The following TCF20 variants were observed in gnomAD, a reference collection of about 807,000 sequenced individuals.
TCF20 encodes the protein transcription factor 20.
Under a neutral mutation model 148.6 loss-of-function variants are expected in TCF20, and 3 were observed. The observed-to-expected ratio is 0.02, with a 90% confidence interval of 0.01 to 0.05. TCF20 has a LOEUF of 0.05. Ranked by LOEUF, TCF20 falls within the 10% of genes least tolerant of loss-of-function variation. The pLI is 1.00. For missense variants in TCF20, 2,350 were observed against 2,429.3 expected (o/e 0.97, Z 0.69); for synonymous variants, 1,049 against 909.5 (o/e 1.15, Z -2.76).
At chr22:42,241,653 T>TC (rs1383008153) in intron 1 of TCF20, among the ~76,000 whole-genome samples, 6 of 151,952 alleles carry the variant, frequency 3.9e-5, no homozygotes, top group African/African-American at 1.5e-4. Flanking sequence ...ATGGTGAAAC[T>TC]CCATCTCTAC....
Position 42,279,694 on chromosome 22 carries a change from T to G in TCF20, c.-37+4133A>C, listed in dbSNP as rs1423160843. On this transcript the variant is annotated intron_variant, in intron 1 of 5. Coordinates refer to the TCF20 transcript ENST00000359486. The surrounding 1 kb of genome is among the most constrained non-coding windows in gnomAD (Gnocchi z 4.3). ...CCGTGAGGTGGGACGATTCACCCCA[T>G]GAGCAAACAGGCTCAGGGAGGTGTG... is the stretch of plus-strand genomic sequence containing the variant. Among the ~76,000 whole-genome samples the G allele has an allele frequency of 2.0e-5, 3 of 152,258 alleles. No homozygotes were observed. The East Asian group carries it at 5.8e-4, about 29-fold the overall frequency.
intron 1 of TCF20, among the ~76,000 whole-genome samples, chr22:42,324,354 T>A (rs974367657): frequency 4.6e-5 from 7 of 152,024 alleles, no homozygotes; most frequent in African/African-American, 1.7e-4. Flanking sequence ...CTAGGCCTGA[T>A]AAGACTTGAG....
intron 1 of TCF20, among the ~76,000 whole-genome samples, chr22:42,261,991 G>GA (rs561851072): frequency 1.2e-3 from 176 of 152,094 alleles, no homozygotes; most frequent in African/African-American, 4.1e-3. Flanking sequence ...ACTCCATCTC[G>GA]AAAAAAGTTC....
chr22:42,255,487 C>CAAA (rs201620101), intron 1 of TCF20, among the ~76,000 whole-genome samples: 7,645 of 90,432 alleles, frequency 0.085, 405 homozygotes, highest in African/African-American at 0.19. Flanking sequence ...GACTTCATCT[C>CAAA]AAACAACAAC....
At chr22:42,251,788 C>G (rs1416960360) in intron 1 of TCF20, among the ~76,000 whole-genome samples, 1 of 151,290 alleles carries the variant, frequency 6.6e-6, no homozygotes, top group Non-Finnish European at 1.5e-5. Flanking sequence ...CAGGAGTGAG[C>G]CACCGCACCT....
rs1926853615 is a variant in TCF20, at chr22:42,279,501, CA to C, written c.-37+4325del. On this transcript the variant is annotated intron_variant, in intron 1 of 5. Coordinates refer to the TCF20 transcript ENST00000359486. The surrounding 1 kb of genome is among the most constrained non-coding windows in gnomAD (Gnocchi z 4.3). ...ATAAATAAAATAAAATAAGGAAGGACAGAGGGCAATGTGACCTTCGGCAAGC... is the reference window on the plus strand; with the variant it reads ...ATAAATAAAATAAAATAAGGAAGGACGAGGGCAATGTGACCTTCGGCAAGC... Among the ~76,000 whole-genome samples the C allele has an allele frequency of 1.3e-5, 2 of 152,158 alleles. No individual in the cohort carries two copies. Among genetic ancestry groups the C allele is most frequent in the African/African-American group, 4.8e-5 (2 of 41,428 alleles).
At chr22:42,313,151 C>T (rs550291043) in intron 1 of TCF20, among the ~76,000 whole-genome samples, 1 of 152,338 alleles carries the variant, frequency 6.6e-6, no homozygotes. Context: ...TGGGCTGTGT[C>T]ACACCATAGG....
At chr22:42,286,678 G>A (rs1348834332), upstream of TCF20, among the ~76,000 whole-genome samples, 1 of 152,198 alleles carries the variant, frequency 6.6e-6, no homozygotes, top group Non-Finnish European at 1.5e-5. Context: ...TGGGAAGAAA[G>A]TGCGCTTCAG....
At chr22:42,232,252 C>CTATA (rs748542875) in intron 1 of TCF20, among the ~76,000 whole-genome samples, 1 of 152,142 alleles carries the variant, frequency 6.6e-6, no homozygotes, top group South Asian at 2.1e-4. Context: ...GAGCAATAGG[C>CTATA]TATACCACAT....
chr22:42,171,083 C>T (rs541638235), intron 3 of TCF20, among the ~76,000 whole-genome samples: 14 of 152,316 alleles, frequency 9.2e-5, no homozygotes, highest in African/African-American at 3.4e-4. Flanking sequence ...TGACAGCATC[C>T]TGGATGGCAG....
At chr22:42,307,132 G>A (rs1276100438) in intron 1 of TCF20, among the ~76,000 whole-genome samples, 1 of 151,644 alleles carries the variant, frequency 6.6e-6, no homozygotes, top group Non-Finnish European at 1.5e-5. Context: ...GGGCTCTGAC[G>A]ACAGCATGGG....
intron 1 of TCF20, among the ~76,000 whole-genome samples, chr22:42,225,965 A>C (rs1266013726): frequency 6.6e-6 from 1 of 152,252 alleles, no homozygotes; most frequent in Non-Finnish European, 1.5e-5. Flanking sequence ...GCATAATTTC[A>C]AACAGCCAAG....
intron 1 of TCF20, among the ~76,000 whole-genome samples, chr22:42,219,376 A>AAAAAAAAAAAAAAAAAAAAC (rs1922136318): frequency 6.7e-6 from 1 of 148,204 alleles, no homozygotes; most frequent in Admixed American, 6.8e-5. Context: ...AAAAAAAAAA[A>AAAAAAAAAAAAAAAAAAAAC]AAAAAGCTAA....
chr22:42,311,294 C>T (rs929081725), intron 1 of TCF20, among the ~76,000 whole-genome samples: 5 of 152,270 alleles, frequency 3.3e-5, no homozygotes, highest in African/African-American at 1.2e-4. Context: ...GCACCAGGCC[C>T]AGGCCCAAGG....
chr22:42,174,837 C>T (rs1022998115), intron 3 of TCF20, among the ~76,000 whole-genome samples: 2 of 151,972 alleles, frequency 1.3e-5, no homozygotes, highest in Non-Finnish European at 2.9e-5. Context: ...AGATCGAGAC[C>T]ATCCCGGCTA....
At chr22:42,269,899 A>AG (rs990190626) in intron 1 of TCF20, 5 of 152,046 alleles carry the variant, frequency 3.3e-5, no homozygotes, top group African/African-American at 1.2e-4. Flanking sequence ...TCCAGCCCGT[A>AG]GCCAAGAGGC....
chr22:42,309,915 G>C (rs1218925526), intron 1 of TCF20, among the ~76,000 whole-genome samples: 2 of 152,228 alleles, frequency 1.3e-5, no homozygotes, highest in African/African-American at 4.8e-5. Flanking sequence ...GATGCTCTGA[G>C]GTTGTGTCCA....
intron 2 of TCF20, among the ~76,000 whole-genome samples, chr22:42,186,584 C>A (rs1937057972): frequency 6.6e-6 from 1 of 152,122 alleles, no homozygotes. Flanking sequence ...AACAAGCAGA[C>A]CCTGCATGGG....
intron 1 of TCF20, among the ~76,000 whole-genome samples, chr22:42,256,355 T>G (rs570122420): frequency 3.3e-5 from 5 of 152,078 alleles, no homozygotes; most frequent in Non-Finnish European, 7.3e-5. Context: ...GAACAGAAAT[T>G]TTCTTTTTTC....
Sources: gnomAD v4.1 joint callset for allele counts (sites outside exome capture counted in the v4.1 genomes callset) on GRCh38, gnomAD v4.1.1 for gene constraint, Gnocchi (gnomAD v3.1) non-coding constraint, MANE v1.5 for transcripts, NCBI Gene and HGNC (gene_info 2026-07-23, HGNC 2026-07-21) for gene names.